SLC26A8: variants seen among roughly 807,000 people sequenced by gnomAD.
The protein encoded by SLC26A8 is solute carrier family 26 member 8.
In SLC26A8, 70 loss-of-function variants were observed where a neutral mutation model predicts 105.0. That is an observed-to-expected ratio of 0.67 (90% CI 0.55 to 0.81). The LOEUF (loss-of-function observed/expected upper bound fraction) is 0.81, where lower values mean the gene tolerates loss of function less well. Among genes scored for constraint, SLC26A8 ranks in the 40% least tolerant of loss-of-function variants. SLC26A8 has a pLI of 0.00. For missense variants in SLC26A8, 998 were observed against 1,181.8 expected (o/e 0.84, Z 2.28); for synonymous variants, 415 against 438.3 (o/e 0.95, Z 0.66).
At chr6:36,015,301 C>T (rs879801470) in intron 2 of SLC26A8, among the ~76,000 whole-genome samples, 4 of 151,942 alleles carry the variant, frequency 2.6e-5, no homozygotes, top group South Asian at 2.1e-4. Context: ...TTAGTAGAGA[C>T]GGGGTTTCAC....
intron 2 of SLC26A8, among the ~76,000 whole-genome samples, chr6:36,018,416 A>G (rs918159211): frequency 6.6e-6 from 1 of 152,244 alleles, no homozygotes; most frequent in African/African-American, 2.4e-5. Flanking sequence ...ACACAAAAAG[A>G]CAAACATATT....
chr6:35,958,087 T>A (rs1356843910), intron 16 of SLC26A8, among the ~76,000 whole-genome samples: 4 of 152,216 alleles, frequency 2.6e-5, no homozygotes, highest in African/African-American at 9.6e-5. Flanking sequence ...TCCTCTTTTT[T>A]CCTACCCAAC....
At position 35,991,651 on chromosome 6, in the gene SLC26A8, A is replaced by G; in HGVS notation, c.942+8T>C. ...AAACTATGAATTTGAGACATCAAAAACACCTACCAGAAATAATTCCATGGG... is the reference window on the plus strand; with the variant it reads ...AAACTATGAATTTGAGACATCAAAAGCACCTACCAGAAATAATTCCATGGG... On this transcript the variant is annotated splice_region_variant and intron_variant, in intron 7 of 19. Transcript: ENST00000490799. The G allele has an allele frequency of 6.5e-7, 1 of 1,541,184 alleles. No homozygotes were observed. Among genetic ancestry groups the G allele is most frequent in the Non-Finnish European group, 8.7e-7 (1 of 1,146,862 alleles).
At chr6:35,952,844 T>C (rs1771926554) in intron 17 of SLC26A8, among the ~76,000 whole-genome samples, 2 of 151,798 alleles carry the variant, frequency 1.3e-5, no homozygotes, top group Non-Finnish European at 2.9e-5. Flanking sequence ...TGAAACCCCG[T>C]CTCTACTAAA....
intron 19 of SLC26A8, among the ~76,000 whole-genome samples, chr6:35,946,982 G>A (rs1443614887): frequency 2.0e-5 from 3 of 150,984 alleles, no homozygotes; most frequent in Non-Finnish European, 3.0e-5. Context: ...GAGTTACTAC[G>A]GCTGGCTGAT....
chr6:36,005,892 A>T (rs1042260927), intron 3 of SLC26A8, among the ~76,000 whole-genome samples: 1 of 152,184 alleles, frequency 6.6e-6, no homozygotes, highest in African/African-American at 2.4e-5. Flanking sequence ...TACATTTATA[A>T]ATTGGAATTC....
At chr6:35,972,914 G>A (rs572022950) in intron 10 of SLC26A8, among the ~76,000 whole-genome samples, 25 of 152,288 alleles carry the variant, frequency 1.6e-4, no homozygotes, top group African/African-American at 6.0e-4. Context: ...TGCATTGCAC[G>A]CACAAGTGGA....
chr6:36,002,756 G>C (rs1761561324), intron 3 of SLC26A8, among the ~76,000 whole-genome samples: 1 of 151,340 alleles, frequency 6.6e-6, no homozygotes, highest in Non-Finnish European at 1.5e-5. Context: ...TCCCAGGCTG[G>C]AGTGCAGTGA....
At chr6:35,987,106 C>T (rs1315691278) in intron 7 of SLC26A8, among the ~76,000 whole-genome samples, 1 of 152,182 alleles carries the variant, frequency 6.6e-6, no homozygotes, top group Non-Finnish European at 1.5e-5. Flanking sequence ...AAAGAATATG[C>T]ACCTCTACAA....
In SLC26A8 at chr6:35,944,177, T is replaced by A. The variant is rs1380349469; in HGVS notation, c.2636A>T (p.Asp879Val). The change falls in exon 20 of 20, where the codon GAT becomes GTT. Residue 879 changes from aspartate (D) to valine (V), a missense_variant. Physicochemically the swap from Asp to Val is radical, Grantham distance 152. Coordinates refer to ENST00000490799, the MANE Select transcript of SLC26A8 (RefSeq NM_052961.4). ...CTCCATTTCAGGCTCCAGCTCCCGA[T>A]CCAGGTCTAGGTCCAGACCCAGCCC... ...EAGLGLDLDL[D>V]RELEPEMEPK... The A allele has an allele frequency of 6.2e-7, 1 of 1,614,124 alleles. No individual in the cohort carries two copies. Among genetic ancestry groups the A allele is most frequent in the Non-Finnish European group, 8.5e-7 (1 of 1,180,022 alleles).
chr6:36,024,483 C>A (rs1372810477), intron 1 of SLC26A8, 21 bp downstream of exon 1: 4 of 448,182 alleles, frequency 8.9e-6, no homozygotes, highest in Non-Finnish European at 1.8e-5. Context: ...GGCGCCCAGG[C>A]GTCTCCCAGC....
chr6:35,980,116 G>T (rs761906846), intron 8 of SLC26A8, among the ~76,000 whole-genome samples: 5 of 152,158 alleles, frequency 3.3e-5, no homozygotes, highest in Middle Eastern at 3.2e-3. Flanking sequence ...GGGATTGCAG[G>T]CACACACCAC....
intron 2 of SLC26A8, among the ~76,000 whole-genome samples, chr6:36,014,763 G>T (rs745393329): frequency 6.6e-6 from 1 of 152,050 alleles, no homozygotes; most frequent in Non-Finnish European, 1.5e-5. Flanking sequence ...CTACTCGGGA[G>T]GCTGAGGCAG....
intron 11 of SLC26A8, among the ~76,000 whole-genome samples, chr6:35,968,447 C>CA (rs1394816515): frequency 6.6e-6 from 1 of 150,620 alleles, no homozygotes; most frequent in Admixed American, 6.6e-5. Context: ...CCCAGTTATA[C>CA]GGTGTATAAC....
At position 35,951,300 on chromosome 6, in the gene SLC26A8, T is replaced by G; in HGVS notation, c.2335A>C (p.Ile779Leu). The G allele has an allele frequency of 6.2e-7, 1 of 1,614,160 alleles. No homozygotes were observed. The highest frequency in any genetic ancestry group is 8.5e-7 in the Non-Finnish European group (1 of 1,180,036). ...FERNDFFDAG[I>L]TKTQLFLSVH... Reference sequence around the variant, plus strand: ...CTGAGGAACAGCTGGGTCTTGGTGATGCCAGCGTCAAAGAAATCATTCCTC... The same window carrying G: ...CTGAGGAACAGCTGGGTCTTGGTGAGGCCAGCGTCAAAGAAATCATTCCTC... The change falls in exon 19 of 20, where the codon ATC (isoleucine) becomes CTC (leucine). Residue 779 changes from isoleucine (I) to leucine (L), a missense_variant. Coordinates refer to ENST00000490799, the MANE Select transcript of SLC26A8 (RefSeq NM_052961.4).
At position 35,948,275 on chromosome 6, in the gene SLC26A8, T is replaced by C. The variant is rs149614012; in HGVS notation, c.2472+2888A>G. Reference sequence around the variant, plus strand: ...CTTCTTAACCAAATGTTAAAGTGTATTATACAGCAATACTAATAAAAACAG... The same window carrying C: ...CTTCTTAACCAAATGTTAAAGTGTACTATACAGCAATACTAATAAAAACAG... On this transcript the variant is annotated intron_variant, in intron 19 of 19. Transcript: ENST00000490799. 4.5e-3 allele frequency among the ~76,000 whole-genome samples: 686 copies of C among 152,274 alleles called. 2 individuals carry two copies. The highest frequency in any genetic ancestry group is 0.01 in the Middle Eastern group (3 of 294).
intron 11 of SLC26A8, among the ~76,000 whole-genome samples, chr6:35,966,325 C>T (rs1238652320): frequency 2.0e-5 from 3 of 152,220 alleles, no homozygotes; most frequent in South Asian, 2.1e-4. Flanking sequence ...TGAAGAAATA[C>T]GGTGGGAAGG....
In SLC26A8 at chr6:35,962,513, C is replaced by T; in HGVS notation, c.1461+13G>A. ...CTGCCCTCCCCTTCCTCAGCCAGGG[C>T]ATCTACACTCACACAGTCATATTGG... is the stretch of plus-strand genomic sequence containing the variant. On this transcript the variant is annotated intron_variant, in intron 12 of 19. Transcript: ENST00000490799. The T allele has an allele frequency of 6.2e-7, 1 of 1,608,362 alleles. No individual in the cohort carries two copies.
intron 3 of SLC26A8, among the ~76,000 whole-genome samples, chr6:36,007,991 G>A (rs1350384325): frequency 1.3e-5 from 2 of 152,058 alleles, no homozygotes; most frequent in Non-Finnish European, 2.9e-5. Context: ...ATAGTGGCAG[G>A]CGCCTGTAGT....
Sources: gnomAD v4.1 joint callset for allele counts (sites outside exome capture counted in the v4.1 genomes callset) on GRCh38, gnomAD v4.1.1 for gene constraint, MANE v1.5 for transcripts, NCBI Gene and HGNC (gene_info 2026-07-23, HGNC 2026-07-21) for gene names.